MCPH1: variants seen among roughly 807,000 people sequenced by gnomAD.
MCPH1 encodes the protein microcephalin.
MCPH1 carries 104 observed loss-of-function variants against 84.5 expected under a neutral mutation model. That is an observed-to-expected ratio of 1.23 (90% CI 1.05 to 1.45). MCPH1 has a LOEUF of 1.45. Ranked by LOEUF, MCPH1 falls within the 40% of genes most tolerant of loss-of-function variation. MCPH1 has a pLI of 0.00. For missense variants in MCPH1, 1,498 were observed against 1,005.7 expected (o/e 1.49, Z -6.62); for synonymous variants, 514 against 366.8 (o/e 1.40, Z -4.58).
intron 12 of MCPH1, among the ~76,000 whole-genome samples, chr8:6,524,470 T>TCA (rs758538310): frequency 5.1e-4 from 77 of 152,222 alleles, no homozygotes; most frequent in Non-Finnish European, 9.0e-4. Flanking sequence ...TGAAGCCTCC[T>TCA]GAGTCACTTT....
At chr8:6,566,491 G>T (rs1466170351) in intron 12 of MCPH1, among the ~76,000 whole-genome samples, 1 of 152,264 alleles carries the variant, frequency 6.6e-6, no homozygotes, top group Non-Finnish European at 1.5e-5. Flanking sequence ...TGTGTGGTCA[G>T]CAAGGCCATG....
chr8:6,480,482 A>G (rs371450860), intron 10 of MCPH1, among the ~76,000 whole-genome samples: 3 of 152,216 alleles, frequency 2.0e-5, no homozygotes, highest in African/African-American at 7.2e-5. Flanking sequence ...GAAGCCATTG[A>G]CAGCCTGTGG....
In MCPH1 at chr8:6,643,171, T is replaced by A. The variant is rs950454282; in HGVS notation, c.*122T>A. The A allele has an allele frequency of 6.6e-5, 55 of 836,022 alleles. No individual in the cohort carries two copies. In the East Asian group the frequency reaches 1.4e-3, roughly 22 times the overall value. The allele number at this position is 836,022 out of a possible 1,614,324, so 51.8% of individuals were successfully genotyped here. Reference sequence around the variant, plus strand: ...GTATACAAGATGACTTCTGATATCATGTTTGCCATGTGTTGTGGTTCTTAA... The same window carrying A: ...GTATACAAGATGACTTCTGATATCAAGTTTGCCATGTGTTGTGGTTCTTAA... On this transcript the variant is annotated 3_prime_UTR_variant, in exon 14 of 14. Coordinates refer to ENST00000344683, the MANE Select transcript of MCPH1 (RefSeq NM_024596.5).
At chr8:6,507,150 G>A (rs949129440) in intron 12 of MCPH1, among the ~76,000 whole-genome samples, 2 of 152,118 alleles carry the variant, frequency 1.3e-5, no homozygotes, top group East Asian at 3.9e-4. Context: ...CATCCACCTT[G>A]GCCTCCCAAA....
rs1342966433 is a variant in MCPH1, at chr8:6,473,873, A to G, written c.1936-3721A>G. 17 of 1,508,614 alleles carry G rather than the reference A, an allele frequency of 1.1e-5. No homozygotes were observed. The East Asian group carries it at 3.6e-4, about 32-fold the overall frequency. The allele number at this position is 1,508,614 out of a possible 1,614,324, so 93.5% of individuals were successfully genotyped here. A position where few individuals can be genotyped will look rare whatever the true frequency, so the allele number is the denominator to read the frequency against. On this transcript the variant is annotated intron_variant, in intron 9 of 13. Transcript: ENST00000344683. ...GTTATAATCTTTGATCCACTGCTCA[A>G]TCCATTTCAAGATCTGATCTACATT...
chr8:6,412,255 C>T (rs1359055536), intron 2 of MCPH1, among the ~76,000 whole-genome samples: 2 of 152,114 alleles, frequency 1.3e-5, no homozygotes, highest in East Asian at 1.9e-4. Flanking sequence ...CTGCATGTTG[C>T]ACATGCCTAA....
chr8:6,466,120 A>G (rs1171030393), intron 9 of MCPH1, among the ~76,000 whole-genome samples: 2 of 115,546 alleles, frequency 1.7e-5, no homozygotes, highest in African/African-American at 3.3e-5. Context: ...ACACCTGGCT[A>G]ATTTTTGGAT....
intron 12 of MCPH1, among the ~76,000 whole-genome samples, chr8:6,571,430 C>T (rs1431985911): frequency 1.3e-5 from 2 of 152,072 alleles, no homozygotes; most frequent in East Asian, 1.9e-4. Context: ...TAAATGTTGT[C>T]GAGATCTCAA....
intron 9 of MCPH1, chr8:6,477,378 G>A (rs1808613933): frequency 3.7e-6 from 2 of 545,448 alleles, no homozygotes; most frequent in African/African-American, 1.9e-5. Flanking sequence ...CCTCATGTCT[G>A]GATTATTTTG....
chr8:6,454,663 G>T (rs1053169685), intron 8 of MCPH1, among the ~76,000 whole-genome samples: 3 of 152,150 alleles, frequency 2.0e-5, no homozygotes, highest in Admixed American at 6.5e-5. Flanking sequence ...GTGGAAACTT[G>T]GGGGGAGTAA....
intron 3 of MCPH1, among the ~76,000 whole-genome samples, chr8:6,430,299 C>A (rs1313127284): frequency 6.6e-6 from 1 of 152,230 alleles, no homozygotes; most frequent in Admixed American, 6.5e-5. Flanking sequence ...CTTCTCATAT[C>A]TGCCTCTGCA....
At chr8:6,637,650 C>G (rs750898867) in intron 13 of MCPH1, among the ~76,000 whole-genome samples, 1 of 152,112 alleles carries the variant, frequency 6.6e-6, no homozygotes, top group Admixed American at 6.6e-5. Context: ...TTTGTTTACT[C>G]TGTTTGTGTT....
chr8:6,592,512 A>G (rs762141575), intron 12 of MCPH1, among the ~76,000 whole-genome samples: 5 of 151,768 alleles, frequency 3.3e-5, no homozygotes, highest in Non-Finnish European at 7.4e-5. Flanking sequence ...CTCCCTTTGC[A>G]TCTTTCCCTC....
chr8:6,490,193 C>T (rs1023789529), intron 11 of MCPH1, among the ~76,000 whole-genome samples: 1 of 152,208 alleles, frequency 6.6e-6, no homozygotes, highest in Non-Finnish European at 1.5e-5. Flanking sequence ...CAGTGTTCTG[C>T]CAGACATCTG....
chr8:6,505,239 A>ATAT (rs1554514577), intron 12 of MCPH1, among the ~76,000 whole-genome samples: 2 of 60,880 alleles, frequency 3.3e-5, no homozygotes, highest in African/African-American at 9.4e-5. Flanking sequence ...GTATATATAG[A>ATAT]ATATATATTC....
intron 12 of MCPH1, among the ~76,000 whole-genome samples, chr8:6,609,650 G>A (rs1282221424): frequency 1.3e-5 from 2 of 152,220 alleles, no homozygotes; most frequent in Admixed American, 1.3e-4. Context: ...GCTAAGCCGG[G>A]AGCGATTATC....
In MCPH1 at chr8:6,445,494, A is replaced by G. The variant is rs767234753; in HGVS notation, c.1772A>G (p.Asn591Ser). ...EHEPCFIVDC[N>S]METSTEEKEN... is the part of the protein sequence containing the mutation. Reference sequence around the variant, plus strand: ...GAGCCATGTTTTATAGTTGACTGTAACATGGAGACGTCTACAGAAGAGAAG... The same window carrying G: ...GAGCCATGTTTTATAGTTGACTGTAGCATGGAGACGTCTACAGAAGAGAAG... Residue 591 changes from asparagine (N) to serine (S), a missense_variant, in exon 8 of 14, where the codon AAC (asparagine) becomes AGC (serine). Transcript: ENST00000344683. The G allele has an allele frequency of 6.2e-6, 10 of 1,613,616 alleles. No homozygotes were observed. In the Admixed American group the frequency reaches 1.5e-4, roughly 24 times the overall value.
chr8:6,494,501 C>T (rs992054620), intron 11 of MCPH1: 1 of 152,144 alleles, frequency 6.6e-6, no homozygotes, highest in African/African-American at 2.4e-5. Context: ...ATGGAAAGAT[C>T]ACCTAAATAA....
At chr8:6,490,579 G>A (rs1810449378) in intron 11 of MCPH1, among the ~76,000 whole-genome samples, 1 of 152,138 alleles carries the variant, frequency 6.6e-6, no homozygotes. Context: ...TTAGGAAACT[G>A]TTGTACTTTT....
Sources: allele counts gnomAD v4.1 joint callset (sites outside exome capture counted in the v4.1 genomes callset), GRCh38; gene constraint gnomAD v4.1.1; transcripts MANE v1.5; gene names NCBI Gene and HGNC (gene_info 2026-07-23, HGNC 2026-07-21).